The following CCDC73 variants were observed in gnomAD, a reference collection of about 807,000 sequenced individuals.
CCDC73 encodes the protein coiled-coil domain-containing protein 73.
Under a neutral mutation model 116.5 loss-of-function variants are expected in CCDC73, and 95 were observed. That is an observed-to-expected ratio of 0.82 (90% CI 0.69 to 0.97). The LOEUF is 0.97. Ranked by LOEUF, CCDC73 falls within the 50% of genes least tolerant of loss-of-function variation. The probability of loss-of-function intolerance (pLI) is 0.00; values close to 1 mark genes in which losing one functional copy is unlikely to be tolerated. For missense variants in CCDC73, 1,066 were observed against 1,206.8 expected (o/e 0.88, Z 1.73); for synonymous variants, 398 against 401.3 (o/e 0.99, Z 0.10).
At chr11:32,638,803 A>G in intron 13 of CCDC73, among the ~76,000 whole-genome samples, 1 of 151,958 alleles carries the variant, frequency 6.6e-6, no homozygotes, top group Non-Finnish European at 1.5e-5. Context: ...TTTAAATGAA[A>G]TGCCAACAGG....
Position 32,613,843 on chromosome 11 carries a change from G to A in CCDC73, c.2475C>T (p.Asp825=). ...ENQVTEATKN[D]LFLFVSINER... ...CATTAATGCTCACAAAAAGGAAGAG[G>A]TCATTTTTTGTGGCTTCAGTTACCT... is the stretch of plus-strand genomic sequence containing the variant. Residue 825 remains aspartate, a synonymous_variant, in exon 16 of 18, where the codon GAC becomes GAT. Coordinates refer to ENST00000335185, the MANE Select transcript of CCDC73 (RefSeq NM_001008391.4). 2 of 1,613,478 alleles carry A rather than the reference G, an allele frequency of 1.2e-6. No individual in the cohort carries two copies. Among genetic ancestry groups the A allele is most frequent in the Non-Finnish European group, 1.7e-6 (2 of 1,179,884 alleles).
chr11:32,628,485 A>C (rs1166462240), intron 14 of CCDC73, among the ~76,000 whole-genome samples: 1 of 152,190 alleles, frequency 6.6e-6, no homozygotes, highest in Non-Finnish European at 1.5e-5. Context: ...GGGGCGCCAC[A>C]AGCTGAGCAA....
At chr11:32,702,978 A>ATTCTAGCAACTCTC (rs1243905344) in intron 3 of CCDC73, 34 bp from the exon 4 acceptor site, 1 of 1,368,992 alleles carries the variant, frequency 7.3e-7, no homozygotes, top group East Asian at 2.3e-5. Context: ...TAAAACACAA[A>ATTCTAGCAACTCTC]TTCTAGCAAC....
At chr11:32,607,079 AATT>A (rs1855361643) in intron 17 of CCDC73, among the ~76,000 whole-genome samples, 7 of 119,244 alleles carry the variant, frequency 5.9e-5, no homozygotes, top group South Asian at 2.6e-4. Flanking sequence ...GCCAAAAATA[AATT>A]TTTTTTTTTT....
rs368969364 is a variant in CCDC73 at position 32,671,910 on chromosome 11, T to C, written c.645+3655A>G. 3.9e-4 allele frequency among the ~76,000 whole-genome samples: 59 copies of C among 152,292 alleles called. 1 individual carries two copies. In the South Asian group the frequency reaches 0.012, roughly 31 times the overall value. ...GCCCCAAGACCTGAGAGAAAGAGGC[T>C]AGTGTTCTCATGAGCAACACCATTC... On this transcript the variant is annotated intron_variant, in intron 9 of 17. Transcript: ENST00000335185.
chr11:32,676,088 T>A, intron 7 of CCDC73, 67 bp from the exon 8 acceptor site: 1 of 1,305,820 alleles, frequency 7.7e-7, no homozygotes, highest in Non-Finnish European at 1.0e-6. Flanking sequence ...ACAACAAATA[T>A]GTAAAATATA....
intron 6 of CCDC73, among the ~76,000 whole-genome samples, chr11:32,686,120 G>C (rs758136041): frequency 1.4e-5 from 2 of 139,482 alleles, no homozygotes; most frequent in East Asian, 4.5e-4. Context: ...CAATAATCCA[G>C]ATGAAAGAGG....
At chr11:32,660,200 C>T (rs1458014221) in intron 9 of CCDC73, among the ~76,000 whole-genome samples, 2 of 144,446 alleles carry the variant, frequency 1.4e-5, no homozygotes, top group Non-Finnish European at 3.0e-5. Context: ...CATTAATTCA[C>T]CCAGTCTCTT....
intron 7 of CCDC73, chr11:32,680,018 A>G (rs917283763): frequency 3.9e-5 from 6 of 152,236 alleles, no homozygotes; most frequent in Non-Finnish European, 8.8e-5. Flanking sequence ...TTCAATGGCC[A>G]TGATATATAA....
At chr11:32,734,203 C>T (rs983286186) in intron 2 of CCDC73, among the ~76,000 whole-genome samples, 12 of 152,024 alleles carry the variant, frequency 7.9e-5, no homozygotes, top group Non-Finnish European at 2.9e-5. Context: ...ACACATACAC[C>T]CTCCCAAGAC....
At chr11:32,647,696 T>G (rs539490459) in intron 12 of CCDC73, among the ~76,000 whole-genome samples, 1 of 152,292 alleles carries the variant, frequency 6.6e-6, no homozygotes, top group East Asian at 1.9e-4. Flanking sequence ...TCTTCCATTT[T>G]TCTGCCAGAG....
chr11:32,633,117 G>A (rs201850), intron 14 of CCDC73, among the ~76,000 whole-genome samples: 4 of 152,056 alleles, frequency 2.6e-5, no homozygotes, highest in South Asian at 2.1e-4. Context: ...GCAGTGGCAC[G>A]ATCTCGGCTC....
chr11:32,665,636 T>C (rs1855973813), intron 9 of CCDC73, among the ~76,000 whole-genome samples: 1 of 152,234 alleles, frequency 6.6e-6, no homozygotes, highest in Non-Finnish European at 1.5e-5. Context: ...TGTCTTTTAA[T>C]TGGAGCATTT....
At chr11:32,749,085 T>C (rs1850264457) in intron 2 of CCDC73, among the ~76,000 whole-genome samples, 1 of 152,228 alleles carries the variant, frequency 6.6e-6, no homozygotes, top group African/African-American at 2.4e-5. Flanking sequence ...GATATTTTTC[T>C]AAAGATTTGG....
In CCDC73 at chr11:32,736,528, C is replaced by T. The variant is rs547322334; in HGVS notation, c.136-18381G>A. Among the ~76,000 whole-genome samples, 579 of 151,978 alleles carry T rather than the reference C, an allele frequency of 3.8e-3. 6 individuals are homozygous for T. Among genetic ancestry groups the T allele is most frequent in the African/African-American group, 0.013 (541 of 41,474 alleles). ...AGGAAACAACAGGTGCTGGAGAGGACGTGGAGAAATAGGAACACTTTTACA... is the reference window on the plus strand; with the variant it reads ...AGGAAACAACAGGTGCTGGAGAGGATGTGGAGAAATAGGAACACTTTTACA... On this transcript the variant is annotated intron_variant, in intron 2 of 17. Transcript: ENST00000335185.
At chr11:32,746,965 T>C (rs1207890078) in intron 2 of CCDC73, among the ~76,000 whole-genome samples, 1 of 152,204 alleles carries the variant, frequency 6.6e-6, no homozygotes, top group East Asian at 1.9e-4. Flanking sequence ...TTTTTTTCCC[T>C]TGCTGGCGAG....
intron 9 of CCDC73, among the ~76,000 whole-genome samples, chr11:32,667,981 T>C (rs1298047352): frequency 6.6e-6 from 1 of 152,230 alleles, no homozygotes; most frequent in Non-Finnish European, 1.5e-5. Context: ...CTTTTCCTTG[T>C]TGTATAACTT....
At chr11:32,779,014 G>C (rs1850560089) in intron 1 of CCDC73, among the ~76,000 whole-genome samples, 1 of 152,022 alleles carries the variant, frequency 6.6e-6, no homozygotes, top group Admixed American at 6.6e-5. Context: ...AATAATCTCT[G>C]GGCCAGAGTT....
chr11:32,789,870 T>C (rs1850660646), intron 1 of CCDC73, among the ~76,000 whole-genome samples: 1 of 152,196 alleles, frequency 6.6e-6, no homozygotes, highest in African/African-American at 2.4e-5. Context: ...TGTGTGAAGA[T>C]GGACACCCAG....
Sources: gnomAD v4.1 joint callset for allele counts (sites outside exome capture counted in the v4.1 genomes callset) on GRCh38, gnomAD v4.1.1 for gene constraint, MANE v1.5 for transcripts, NCBI Gene and HGNC (gene_info 2026-07-23, HGNC 2026-07-21) for gene names.